Variants in MAP3K11 observed in about 807,000 individuals in gnomAD.
The protein encoded by MAP3K11 is mitogen-activated protein kinase kinase kinase 11, also known as SH3 domain-containing proline-rich kinase.
In MAP3K11, 46 loss-of-function variants were observed where a neutral mutation model predicts 84.9. That is an observed-to-expected ratio of 0.54 (90% CI 0.43 to 0.69). The LOEUF is 0.69. Among genes scored for constraint, MAP3K11 ranks in the 30% least tolerant of loss-of-function variants. The pLI, the probability that MAP3K11 is intolerant of heterozygous loss-of-function variation, is 0.00. For synonymous variants in MAP3K11, 527 were observed against 514.7 expected (o/e 1.02, Z -0.32); for missense variants, 1,053 against 1,198.3 (o/e 0.88, Z 1.79).
intron 8 of MAP3K11, 54 bp from the exon 9 acceptor site, chr11:65,599,822 G>A: frequency 6.4e-7 from 1 of 1,564,068 alleles, no homozygotes; most frequent in Non-Finnish European, 8.6e-7. Flanking sequence ...TTCCGGGTGA[G>A]GGCCCAAGAC....
At position 65,613,974 on chromosome 11, in the gene MAP3K11, C is replaced by CG. The variant is rs1295821784; in HGVS notation, c.-219dup. The CG allele has an allele frequency of 1.3e-5, 8 of 599,468 alleles. No homozygotes were observed. Among genetic ancestry groups the CG allele is most frequent in the East Asian group, 3.0e-5 (1 of 32,874 alleles). 37.1% of individuals were successfully genotyped at this position (599,468 alleles called of 1,614,324 possible). A position where few individuals can be genotyped will look rare whatever the true frequency, so the allele number is the denominator to read the frequency against. The stretch of plus-strand genomic sequence containing the variant: ...GGCACCCAGGGCAGTGTGGTCAGGC[C>CG]GGGGGGGTGGGGCCCCGGGGCCTCC... On this transcript the variant is annotated 5_prime_UTR_variant, in exon 1 of 10. An upstream open reading frame in the 5' UTR loses its in-frame stop. Coordinates refer to ENST00000309100, the MANE Select transcript of MAP3K11 (RefSeq NM_002419.4).
Position 65,607,458 on chromosome 11 carries a change from T to A in MAP3K11, c.1301A>T (p.Gln434Leu). 1 of 1,548,504 alleles carries A rather than the reference T, an allele frequency of 6.5e-7. No individual in the cohort carries two copies. The highest frequency in any genetic ancestry group is 1.4e-5 in the African/African-American group (1 of 73,390). The change falls in exon 5 of 10, where the codon CAG (glutamine) becomes CTG (leucine). Residue 434 changes from glutamine to leucine, a missense_variant. Physicochemically the swap from Gln to Leu is moderately radical, Grantham distance 113 (BLOSUM62 -2). Coordinates refer to ENST00000309100, the MANE Select transcript of MAP3K11 (RefSeq NM_002419.4). Reference sequence around the variant, plus strand: ...CTCGCGCCGCCGCAGCTGCTCCGCCTGTGACCGCTGCTCGCGCGCCGCTCG... The same window carrying A: ...CTCGCGCCGCCGCAGCTGCTCCGCCAGTGACCGCTGCTCGCGCGCCGCTCG... ...LTRAAREQRSQAEQLRRREHL... is the reference protein window; with the variant it reads ...LTRAAREQRSLAEQLRRREHL...
Position 65,607,678 on chromosome 11 carries a change from A to G in MAP3K11, c.1208T>C (p.Ile403Thr), listed in dbSNP as rs1350178676. The G allele has an allele frequency of 1.6e-5, 25 of 1,612,846 alleles. No homozygotes were observed. Among genetic ancestry groups the G allele is most frequent in the Non-Finnish European group, 2.1e-5 (25 of 1,179,260 alleles). Residue 403 changes from isoleucine (I) to threonine (T), a missense_variant, in exon 4 of 10, where the codon ATC becomes ACC. Physicochemically the swap from Ile to Thr is moderately conservative, Grantham distance 89. Around this residue, in one of 3 missense-constraint regions of MAP3K11, gnomAD observed 310 missense variants for 464.5 expected, o/e 0.67. Coordinates refer to ENST00000309100, the MANE Select transcript of MAP3K11 (RefSeq NM_002419.4). ...HSMQEGWKRE[I>T]QGLFDELRAK... is the part of the protein sequence containing the mutation. ...TCGCAGCTCGTCGAAGAGACCCTGG[A>G]TCTCGCGCTTCCAGCCTTCCTGCAT... is the stretch of plus-strand genomic sequence containing the variant.
chr11:65,598,525 C>G lies in MAP3K11; in HGVS notation c.2310G>C (p.Ser770=), dbSNP rs1454416184. Residue 770 remains serine (S), a synonymous_variant, in exon 10 of 10, where the codon TCG becomes TCC. Transcript: ENST00000309100. ...PLGLISRPRP[S]PLRSRIDPWS... is the part of the protein sequence containing the mutation. ...AGGGATCAATGCGGCTGCGAAGGGG[C>G]GAGGGCCGAGGTCGGCTGATGAGGC... is the stretch of plus-strand genomic sequence containing the variant. The G allele has an allele frequency of 6.2e-7, 1 of 1,612,412 alleles. No homozygotes were observed.
At chr11:65,612,860 TG>T in intron 1 of MAP3K11, 157 bp downstream of exon 1, 1 of 744,820 alleles carries the variant, frequency 1.3e-6, no homozygotes, top group Non-Finnish European at 1.9e-6. Context: ...GGGCTCTGTT[TG>T]GGGGCTAGCT....
At position 65,598,307 on chromosome 11, in the gene MAP3K11, G is replaced by A. The variant is rs753749962; in HGVS notation, c.2528C>T (p.Pro843Leu). The change falls in exon 10 of 10, where the codon CCG becomes CTG. Residue 843 changes from proline to leucine, a missense_variant. Physicochemically the swap from Pro to Leu is moderately conservative, Grantham distance 98 (BLOSUM62 -3). Coordinates refer to ENST00000309100, the MANE Select transcript of MAP3K11 (RefSeq NM_002419.4). ...CTGGCCCACTCAAGGCCCCGCTTCC[G>A]GCACCCACGGGGCCTGGGCACCCAT... is the stretch of plus-strand genomic sequence containing the variant. ...KDMGAQAPWVPEAGP is the reference protein window; with the variant it reads ...KDMGAQAPWVLEAGP 12 of 1,469,786 alleles carry A rather than the reference G, an allele frequency of 8.2e-6. No homozygotes were observed. The highest frequency in any genetic ancestry group is 4.9e-5 in the East Asian group (2 of 40,416). The allele number at this position is 1,469,786 out of a possible 1,614,324, so 91.0% of individuals were successfully genotyped here.
chr11:65,603,102 T>C (rs1854472496), intron 8 of MAP3K11, among the ~76,000 whole-genome samples: 1 of 151,988 alleles, frequency 6.6e-6, no homozygotes, highest in Non-Finnish European at 1.5e-5. Context: ...GACTCTATCT[T>C]TAAAAAAATA....
At chr11:65,609,459 C>T (rs1854547727) in intron 1 of MAP3K11, 1 of 152,212 alleles carries the variant, frequency 6.6e-6, no homozygotes, top group African/African-American at 2.4e-5. Context: ...TTGGCAGGGG[C>T]TCATGGCTTT....
chr11:65,605,944 A>G lies in MAP3K11; in HGVS notation c.1739+2T>C, dbSNP rs1305104191. 4 of 1,601,732 alleles carry G rather than the reference A, an allele frequency of 2.5e-6. No homozygotes were observed. The highest frequency in any genetic ancestry group is 3.4e-6 in the Non-Finnish European group (4 of 1,176,546). On this transcript the variant is annotated splice_donor_variant, in intron 7 of 9. Coordinates refer to ENST00000309100, the MANE Select transcript of MAP3K11 (RefSeq NM_002419.4). LOFTEE classifies it high-confidence loss of function. ...GGGTCTGGGGGGCACTCAGGTACTC[A>G]CCTCCCATTCTGGGCTTCCCCAGGC... is the stretch of plus-strand genomic sequence containing the variant.
chr11:65,608,256 C>T lies in MAP3K11; in HGVS notation c.920+12G>A, dbSNP rs777027213. 5.0e-6 allele frequency: 8 copies of T among 1,611,288 alleles called. No homozygotes were observed. Among genetic ancestry groups the T allele is most frequent in the Non-Finnish European group, 1.7e-6 (2 of 1,177,938 alleles). On this transcript the variant is annotated intron_variant, in intron 2 of 9. Transcript: ENST00000309100. ...CCCGTAGCAGCCCGTCCAGCCCCAC[C>T]AAGGGCCGCACCTCCAGACGTCACT...
At chr11:65,605,433 G>C (rs1854496041) in intron 8 of MAP3K11, among the ~76,000 whole-genome samples, 1 of 152,164 alleles carries the variant, frequency 6.6e-6, no homozygotes, top group Non-Finnish European at 1.5e-5. Context: ...TGGGCTTCCT[G>C]TCTTTCTTTT....
intron 1 of MAP3K11, chr11:65,609,373 G>A (rs914437948): frequency 1.3e-5 from 2 of 152,250 alleles, no homozygotes; most frequent in African/African-American, 4.8e-5. Context: ...GAAGAGAAAG[G>A]GTGGGGTCCA....
intron 8 of MAP3K11, among the ~76,000 whole-genome samples, chr11:65,602,118 G>A (rs898232587): frequency 9.4e-4 from 137 of 145,430 alleles, no homozygotes; most frequent in African/African-American, 3.3e-3. Flanking sequence ...CAGGAGAATC[G>A]CTTGAACCCA....
chr11:65,601,880 A>G (rs1231197697), intron 8 of MAP3K11, among the ~76,000 whole-genome samples: 2 of 151,950 alleles, frequency 1.3e-5, no homozygotes, highest in African/African-American at 2.4e-5. Context: ...CAGTGAGTTT[A>G]AACAGAAGAG....
intron 8 of MAP3K11, 46 bp downstream of exon 8, chr11:65,605,715 C>A (rs578101720): frequency 6.8e-7 from 1 of 1,475,092 alleles, no homozygotes; most frequent in Non-Finnish European, 9.3e-7. Flanking sequence ...AAGGTGCCCA[C>A]GGAAGGAGCT....
At position 65,608,443 on chromosome 11, in the gene MAP3K11, G is replaced by A; in HGVS notation, c.745C>T (p.Leu249=). The A allele has an allele frequency of 6.2e-7, 1 of 1,614,116 alleles. No homozygotes were observed. Among genetic ancestry groups the A allele is most frequent in the Non-Finnish European group, 8.5e-7 (1 of 1,179,980 alleles). ...TCGTCACTCTCAATGGGCTGCAGCA[G>A]CAAAACTAGAGAAGAGGGGCCAGAT... The part of the protein sequence containing the change: ...HRDLKSNNIL[L]LQPIESDDME... The change falls in exon 2 of 10, where the codon CTG becomes TTG. Residue 249 remains leucine, a synonymous_variant. Coordinates refer to ENST00000309100, the MANE Select transcript of MAP3K11 (RefSeq NM_002419.4).
intron 8 of MAP3K11, among the ~76,000 whole-genome samples, chr11:65,603,464 G>A (rs953722392): frequency 6.6e-6 from 1 of 152,266 alleles, no homozygotes; most frequent in African/African-American, 2.4e-5. Context: ...AGTGCACCCT[G>A]CCAATGTGCC....
At chr11:65,600,925 C>T (rs973310758) in intron 8 of MAP3K11, among the ~76,000 whole-genome samples, 8 of 152,186 alleles carry the variant, frequency 5.3e-5, no homozygotes, top group Non-Finnish European at 1.2e-4. Context: ...TCTGTCAGCC[C>T]CAACCCTTAC....
rs1398666988 is a variant in MAP3K11, at chr11:65,599,722, A to G, written c.1878T>C (p.Pro626=). 2 of 1,588,206 alleles carry G rather than the reference A, an allele frequency of 1.3e-6. No homozygotes were observed. The highest frequency in any genetic ancestry group is 1.7e-6 in the Non-Finnish European group (2 of 1,174,878). Residue 626 remains proline, a synonymous_variant, in exon 9 of 10, where the codon CCT becomes CCC. Coordinates refer to ENST00000309100, the MANE Select transcript of MAP3K11 (RefSeq NM_002419.4). ...PSLEPEEPKR[P]VPAERGSSSG... is the part of the protein sequence containing the mutation. Reference sequence around the variant, plus strand: ...AGCTGCTACCGCGCTCTGCGGGGACAGGCCTCTTGGGCTCCTCGGGCTCCA... The same window carrying G: ...AGCTGCTACCGCGCTCTGCGGGGACGGGCCTCTTGGGCTCCTCGGGCTCCA...
Sources: allele counts gnomAD v4.1 joint callset (sites outside exome capture counted in the v4.1 genomes callset), GRCh38; gene constraint gnomAD v4.1.1; regional missense constraint gnomAD v4.1.1; transcripts MANE v1.5; gene names NCBI Gene and HGNC (gene_info 2026-07-23, HGNC 2026-07-21).